The following CMC2 variants were observed in gnomAD, a reference collection of about 807,000 sequenced individuals.
CMC2 encodes COX assembly mitochondrial protein 2 homolog.
Under a neutral mutation model 7.5 loss-of-function variants are expected in CMC2, and 5 were observed. That is an observed-to-expected ratio of 0.66 (90% CI 0.35 to 1.40). The LOEUF (loss-of-function observed/expected upper bound fraction) is 1.40. CMC2 is among the 40% of genes most tolerant of loss of function. The pLI, the probability that CMC2 is intolerant of heterozygous loss-of-function variation, is 0.04. For missense variants in CMC2, 115 were observed against 92.3 expected, an observed-to-expected ratio of 1.25 and a Z score of -1.01; for synonymous variants, 37 against 31.4, an observed-to-expected ratio of 1.18 and a Z score of -0.60.
chr16:80,990,513 G>GCTC (rs1759126073), intron 2 of CMC2, among the ~76,000 whole-genome samples: 1 of 152,080 alleles, frequency 6.6e-6, no homozygotes, highest in Non-Finnish European at 1.5e-5. Flanking sequence ...TCTCTGCTTT[G>GCTC]CTCCTACCAA....
intron 1 of CMC2, chr16:80,998,878 C>G (rs559923726): frequency 1.3e-5 from 2 of 152,102 alleles, no homozygotes; most frequent in African/African-American, 4.8e-5. Flanking sequence ...GCGAAAAAGC[C>G]TTTGATAAAA....
In CMC2 at chr16:80,975,913, A is replaced by C; in HGVS notation, c.*180T>G. ...TTGCTGGTAAAGGGGAGACAGTACT[A>C]AACGCCCTGCCCAACAAATACTCAG... On this transcript the variant is annotated 3_prime_UTR_variant, in exon 4 of 4. Coordinates refer to ENST00000219400, the MANE Select transcript of CMC2 (RefSeq NM_020188.5). 2 of 573,526 alleles carry C rather than the reference A, an allele frequency of 3.5e-6. No individual in the cohort carries two copies. The highest frequency in any genetic ancestry group is 6.1e-5 in the East Asian group (2 of 32,998). 35.5% of individuals were successfully genotyped at this position (573,526 alleles called of 1,614,324 possible). A position where few individuals can be genotyped will look rare whatever the true frequency, so the allele number is the denominator to read the frequency against.
chr16:80,995,673 T>C (rs925495002), intron 2 of CMC2, among the ~76,000 whole-genome samples: 1 of 152,010 alleles, frequency 6.6e-6, no homozygotes, highest in Admixed American at 6.6e-5. Flanking sequence ...AAAAAGAATA[T>C]ACGATGTAGT....
At chr16:80,985,910 A>AAAAAAG (rs1240696432) in intron 2 of CMC2, among the ~76,000 whole-genome samples, 1 of 151,582 alleles carries the variant, frequency 6.6e-6, no homozygotes, top group African/African-American at 2.4e-5. Context: ...GCAAAAAAAA[A>AAAAAAG]AAAAAAAACC....
At chr16:80,993,972 A>G (rs1968212463) in intron 2 of CMC2, among the ~76,000 whole-genome samples, 1 of 152,246 alleles carries the variant, frequency 6.6e-6, no homozygotes, top group Admixed American at 6.5e-5. Flanking sequence ...TAATTAAGAC[A>G]GCATGGTACT....
chr16:80,986,782 AATTTGT>A (rs753712824), intron 2 of CMC2, among the ~76,000 whole-genome samples: 25 of 152,238 alleles, frequency 1.6e-4, no homozygotes, highest in Non-Finnish European at 3.2e-4. Context: ...AGATAAGATA[AATTTGT>A]ATCTGGACAT....
At chr16:80,986,703 T>C (rs956855367) in intron 2 of CMC2, among the ~76,000 whole-genome samples, 50 of 152,174 alleles carry the variant, frequency 3.3e-4, no homozygotes, top group African/African-American at 1.1e-3. Flanking sequence ...CAGGAAGAGG[T>C]GAGGCAGATG....
intron 2 of CMC2, among the ~76,000 whole-genome samples, chr16:80,992,705 C>CAGTTTTTTT (rs1968097355): frequency 1.1e-5 from 1 of 92,518 alleles, no homozygotes; most frequent in East Asian, 3.0e-4. Flanking sequence ...ATTCCCCCTC[C>CAGTTTTTTT]TTTTTTTTTT....
intron 3 of CMC2, among the ~76,000 whole-genome samples, chr16:80,977,859 G>T (rs1228982233): frequency 1.3e-5 from 2 of 152,244 alleles, no homozygotes; most frequent in South Asian, 4.1e-4. Context: ...ATCACCTGAG[G>T]TCAGGAGTTA....
intron 2 of CMC2, among the ~76,000 whole-genome samples, chr16:80,984,611 A>G (rs1356591165): frequency 1.3e-5 from 2 of 152,314 alleles, no homozygotes; most frequent in African/African-American, 2.4e-5. Flanking sequence ...TATCATTCCC[A>G]AAGAATAAAT....
rs1469701841 is a variant in CMC2 at position 80,973,329 on chromosome 16, G to C, written c.*2764C>G. On this transcript the variant is annotated 3_prime_UTR_variant, in exon 4 of 4. Transcript: ENST00000219400. ...AAACGGTATCAGCCCTAGTGATTTG[G>C]TGCCTTCTACCAAACTACGGAGGAA... 6.6e-6 allele frequency: 1 copy of C among 152,132 alleles called. No homozygotes were observed. The highest frequency in any genetic ancestry group is 1.9e-4 in the East Asian group (1 of 5,188). 9.4% of individuals were successfully genotyped at this position (152,132 alleles called of 1,614,324 possible).
intron 3 of CMC2, chr16:80,980,963 G>A (rs1967066682): frequency 2.0e-6 from 1 of 504,766 alleles, no homozygotes. Context: ...CAGTAAAGGT[G>A]AATGTCACAA....
rs1911708309 is a variant in CMC2, at chr16:80,968,557, T to C, written c.*7536A>G. On this transcript the variant is annotated 3_prime_UTR_variant, in exon 4 of 4. Transcript: ENST00000219400. The stretch of plus-strand genomic sequence containing the variant: ...CCCCATCTTCTAGGAATGAGTTAGT[T>C]CTCTAACTGTTGAAAATATAATCAT... 6.6e-6 allele frequency: 1 copy of C among 152,178 alleles called. No individual in the cohort carries two copies. Among genetic ancestry groups the C allele is most frequent in the Admixed American group, 6.5e-5 (1 of 15,278 alleles). The allele number at this position is 152,178 out of a possible 1,614,324, so 9.4% of individuals were successfully genotyped here. A position where few individuals can be genotyped will look rare whatever the true frequency, so the allele number is the denominator to read the frequency against.
chr16:81,001,397 C>G (rs1329568230), intron 1 of CMC2: 1 of 152,042 alleles, frequency 6.6e-6, no homozygotes, highest in African/African-American at 2.4e-5. Context: ...TCCACTTATA[C>G]GAGGCACCTA....
At chr16:80,977,340 TAA>T (rs1327457869) in intron 3 of CMC2, among the ~76,000 whole-genome samples, 1 of 152,218 alleles carries the variant, frequency 6.6e-6, no homozygotes, top group Non-Finnish European at 1.5e-5. Context: ...CAGAGGACCT[TAA>T]AAGTGTTTTT....
At chr16:80,978,704 C>G (rs754692115) in intron 3 of CMC2, among the ~76,000 whole-genome samples, 10 of 150,176 alleles carry the variant, frequency 6.7e-5, no homozygotes, top group Non-Finnish European at 1.5e-4. Flanking sequence ...CTCCATCTCT[C>G]TAAAAAAAAG....
At chr16:81,006,409 T>C (rs1404768250) in intron 1 of CMC2, 2 of 152,314 alleles carry the variant, frequency 1.3e-5, no homozygotes, top group African/African-American at 4.8e-5. Context: ...AGGTCCATTT[T>C]ACCGGCGAGG....
rs1026388505 is a variant in CMC2 at position 80,972,664 on chromosome 16, A to G, written c.*3429T>C. The G allele has an allele frequency of 1.3e-5, 2 of 152,174 alleles. No individual in the cohort carries two copies. The highest frequency in any genetic ancestry group is 6.5e-5 in the Admixed American group (1 of 15,282). 9.4% of individuals were successfully genotyped at this position (152,174 alleles called of 1,614,324 possible). A position where few individuals can be genotyped will look rare whatever the true frequency, so the allele number is the denominator to read the frequency against. The stretch of plus-strand genomic sequence containing the variant: ...CTGCAAAACTAGATTTCTCAGGAAA[A>G]CCTTGGCCTAAGTTCTTCAGCTTCC... On this transcript the variant is annotated 3_prime_UTR_variant, in exon 4 of 4. Coordinates refer to ENST00000219400, the MANE Select transcript of CMC2 (RefSeq NM_020188.5).
chr16:80,969,300 A>C lies in CMC2; in HGVS notation c.*6793T>G, dbSNP rs1296164645. ...TGGGAGGTCTCAGCATCGATGTGGA[A>C]AGCAGCACAGGGAGGCACAAGGTAC... On this transcript the variant is annotated 3_prime_UTR_variant, in exon 4 of 4. Coordinates refer to ENST00000219400, the MANE Select transcript of CMC2 (RefSeq NM_020188.5). The C allele has an allele frequency of 1.3e-5, 2 of 152,424 alleles. No homozygotes were observed. Among genetic ancestry groups the C allele is most frequent in the African/African-American group, 4.8e-5 (2 of 41,462 alleles). The allele number at this position is 152,424 out of a possible 1,614,324, so 9.4% of individuals were successfully genotyped here.
Sources: gnomAD v4.1 joint callset for allele counts (sites outside exome capture counted in the v4.1 genomes callset) on GRCh38, gnomAD v4.1.1 for gene constraint, MANE v1.5 for transcripts, NCBI Gene and HGNC (gene_info 2026-07-23, HGNC 2026-07-21) for gene names.